Variants in ABL1 observed in about 807,000 individuals in gnomAD.
ABL1 encodes tyrosine-protein kinase ABL1.
Under a neutral mutation model 94.7 loss-of-function variants are expected in ABL1, and 11 were observed. That is an observed-to-expected ratio of 0.12 (90% CI 0.07 to 0.19). The LOEUF (loss-of-function observed/expected upper bound fraction) is 0.19, where lower values mean the gene tolerates loss of function less well. ABL1 is among the 10% of genes least tolerant of loss of function. The pLI is 1.00. For synonymous variants in ABL1, 656 were observed against 622.4 expected (o/e 1.05, Z -0.80); for missense variants, 1,082 against 1,489.4 (o/e 0.73, Z 4.50).
chr9:130,802,905 T>C (rs1265923632), intron 1 of ABL1, among the ~76,000 whole-genome samples: 1 of 152,212 alleles, frequency 6.6e-6, no homozygotes, highest in Admixed American at 6.5e-5. Flanking sequence ...CTGAGATCTT[T>C]AGTCTGTAGC....
chr9:130,735,411 T>C (rs1006494765), intron 1 of ABL1, among the ~76,000 whole-genome samples: 1 of 152,058 alleles, frequency 6.6e-6, no homozygotes, highest in African/African-American at 2.4e-5. Flanking sequence ...TTTCAGAAGC[T>C]TGCTTGCACC....
chr9:130,751,776 T>C (rs1393046391), intron 1 of ABL1, among the ~76,000 whole-genome samples: 5 of 152,312 alleles, frequency 3.3e-5, no homozygotes, highest in African/African-American at 9.6e-5. Context: ...GAAAACCAAA[T>C]GCTTTCCAGC....
chr9:130,815,312 C>T (rs1367689934), intron 1 of ABL1, among the ~76,000 whole-genome samples: 4 of 152,090 alleles, frequency 2.6e-5, no homozygotes, highest in South Asian at 2.1e-4. Flanking sequence ...CCAGCCTGGG[C>T]GACAGAGTGA....
At chr9:130,797,039 C>T (rs1829984311) in intron 1 of ABL1, among the ~76,000 whole-genome samples, 1 of 149,704 alleles carries the variant, frequency 6.7e-6, no homozygotes. Flanking sequence ...AGTTCAAGAC[C>T]AGGGTGGCCA....
chr9:130,769,803 T>C (rs1402367530), intron 1 of ABL1, among the ~76,000 whole-genome samples: 20 of 152,186 alleles, frequency 1.3e-4, no homozygotes, highest in Non-Finnish European at 2.9e-5. Context: ...AACAGTTCTA[T>C]CACCCCCTAG....
intron 1 of ABL1, among the ~76,000 whole-genome samples, chr9:130,821,900 C>T (rs1289567036): frequency 1.3e-5 from 2 of 150,136 alleles, no homozygotes; most frequent in Non-Finnish European, 3.0e-5. Context: ...GAGTGCAGTG[C>T]GCGATCTCAG....
At chr9:130,839,079 T>G (rs61654002) in intron 1 of ABL1, among the ~76,000 whole-genome samples, 1 of 148,406 alleles carries the variant, frequency 6.7e-6, no homozygotes, top group Non-Finnish European at 1.5e-5. Flanking sequence ...TAATTAAAAT[T>G]TTTTTTTTTT....
rs995092091 is a variant in ABL1, at chr9:130,876,229, T to G, written c.1270+1177T>G. 2.6e-5 allele frequency among the ~76,000 whole-genome samples: 4 copies of G among 152,076 alleles called. No individual in the cohort carries two copies. The South Asian group carries it at 8.3e-4, about 32-fold the overall frequency. On this transcript the variant is annotated intron_variant, in intron 7 of 10. Transcript: ENST00000318560. ...CCTAGATCCAATAGTTTGCTAGGTA[T>G]TGCCAGGTAGGAATTCTCTAATTCT...
chr9:130,763,892 C>A (rs370201751), intron 1 of ABL1, among the ~76,000 whole-genome samples: 1 of 152,168 alleles, frequency 6.6e-6, no homozygotes, highest in Admixed American at 6.5e-5. Context: ...GCTTGCCACT[C>A]GCTGCCTGTA....
At chr9:130,748,636 C>T (rs1016952329) in intron 1 of ABL1, among the ~76,000 whole-genome samples, 2 of 150,998 alleles carry the variant, frequency 1.3e-5, no homozygotes, top group African/African-American at 2.4e-5. Flanking sequence ...AGTGCAGTGG[C>T]GTGATCTTGG....
intron 1 of ABL1, among the ~76,000 whole-genome samples, chr9:130,715,094 T>C (rs1484174652): frequency 6.6e-6 from 1 of 152,206 alleles, no homozygotes. Context: ...GCTTTCATCC[T>C]GTCTTCTCCC....
chr9:130,812,282 G>A (rs141666998), intron 1 of ABL1, among the ~76,000 whole-genome samples: 3 of 150,966 alleles, frequency 2.0e-5, no homozygotes, highest in Non-Finnish European at 4.4e-5. Context: ...GATCACTTGA[G>A]CCCAGGAGTT....
At chr9:130,782,523 T>C (rs1214217800) in intron 1 of ABL1, among the ~76,000 whole-genome samples, 3 of 152,220 alleles carry the variant, frequency 2.0e-5, no homozygotes, top group Non-Finnish European at 4.4e-5. Context: ...AAATCCTGGC[T>C]TTCCCCTTAA....
chr9:130,884,676 G>C lies in ABL1; in HGVS notation c.2386G>C (p.Glu796Gln). The C allele has an allele frequency of 6.2e-7, 1 of 1,613,024 alleles. No individual in the cohort carries two copies. The highest frequency in any genetic ancestry group is 8.5e-7 in the Non-Finnish European group (1 of 1,179,998). ...LVKKNEEAADEVFKDIMESSP... is the reference protein window; with the variant it reads ...LVKKNEEAADQVFKDIMESSP... ...GAAAAAGAATGAGGAAGCTGCTGAT[G>C]AGGTCTTCAAAGACATCATGGAGTC... The change falls in exon 11 of 11, where the codon GAG becomes CAG. Residue 796 changes from glutamate (E) to glutamine (Q), a missense_variant. Glu to Gln is a conservative substitution (Grantham distance 29). Transcript: ENST00000318560. This position sits in a 1 kb window ranked among gnomAD's most constrained non-coding sequence, Gnocchi z 5.6.
chr9:130,771,447 A>G (rs1370194555), intron 1 of ABL1, among the ~76,000 whole-genome samples: 1 of 152,294 alleles, frequency 6.6e-6, no homozygotes, highest in South Asian at 2.1e-4. Context: ...AGATGCCAAA[A>G]TACAGGAACA....
rs575671147 is a variant in ABL1, at chr9:130,884,247, A to G, written c.1957A>G (p.Thr653Ala). ...GGCACTGGCTTTCACCCCCTTGGACACAGCTGACCCAGCCAAGTCCCCAAA... is the reference window on the plus strand; with the variant it reads ...GGCACTGGCTTTCACCCCCTTGGACGCAGCTGACCCAGCCAAGTCCCCAAA... ...NGALAFTPLDTADPAKSPKPS... is the reference protein window; with the variant it reads ...NGALAFTPLDAADPAKSPKPS... Residue 653 changes from threonine (T) to alanine (A), a missense_variant, in exon 11 of 11, where the codon ACA (threonine) becomes GCA (alanine). By Grantham distance (58) the Thr-to-Ala change is moderately conservative. This residue lies in a region of ABL1 where 780 missense variants were observed against 835.8 expected (regional missense o/e 0.93). Coordinates refer to ENST00000318560, the MANE Select transcript of ABL1 (RefSeq NM_005157.6). The surrounding 1 kb of genome is among the most constrained non-coding windows in gnomAD (Gnocchi z 5.6). 2 of 1,599,266 alleles carry G rather than the reference A, an allele frequency of 1.3e-6. No homozygotes were observed. The highest frequency in any genetic ancestry group is 2.2e-5 in the East Asian group (1 of 44,716).
Position 130,784,494 on chromosome 9 carries a change from T to C in ABL1, c.137-69570T>C, listed in dbSNP as rs149090868. Among the ~76,000 whole-genome samples the C allele has an allele frequency of 7.2e-5, 11 of 152,342 alleles. No individual in the cohort carries two copies. In the East Asian group the frequency reaches 1.9e-3, roughly 27 times the overall value. The stretch of plus-strand genomic sequence containing the variant: ...ATTCTTTTGGCTTAAACAGTATCTT[T>C]TGGGTAAATTCTGGATTTTTTCATA... On this transcript the variant is annotated intron_variant, in intron 1 of 10. Transcript: ENST00000372348.
intron 1 of ABL1, among the ~76,000 whole-genome samples, chr9:130,788,963 T>C (rs1176329095): frequency 1.3e-5 from 2 of 152,240 alleles, no homozygotes; most frequent in Non-Finnish European, 1.5e-5. Context: ...AGTTTTCCTC[T>C]TGCATCTATT....
At chr9:130,757,536 C>CTTTTT (rs11411714) in intron 1 of ABL1, among the ~76,000 whole-genome samples, 12 of 101,884 alleles carry the variant, frequency 1.2e-4, no homozygotes, top group East Asian at 3.3e-4. Context: ...TACTCCAGGC[C>CTTTTT]TTTTTTTTTT....
Sources: gnomAD v4.1 joint callset for allele counts (sites outside exome capture counted in the v4.1 genomes callset) on GRCh38, gnomAD v4.1.1 for gene constraint, gnomAD v4.1.1 regional missense constraint, Gnocchi (gnomAD v3.1) non-coding constraint, MANE v1.5 for transcripts, NCBI Gene and HGNC (gene_info 2026-07-23, HGNC 2026-07-21) for gene names.